PRELID2: variants seen among roughly 807,000 people sequenced by gnomAD.
The protein encoded by PRELID2 is PRELI domain containing 2.
In PRELID2, 25 loss-of-function variants were observed where a neutral mutation model predicts 28.4. The ratio of observed to expected loss-of-function variants is 0.88; its 90% CI spans 0.64 to 1.23. PRELID2 has a LOEUF of 1.23. Among genes scored for constraint, PRELID2 ranks in the 50% most tolerant of loss-of-function variants. The probability of loss-of-function intolerance (pLI) is 0.00; values close to 1 mark genes in which losing one functional copy is unlikely to be tolerated. For synonymous variants in PRELID2, 76 were observed against 71.6 expected (o/e 1.06, Z -0.31); for missense variants, 201 against 214.4 (o/e 0.94, Z 0.39).
At chr5:145,606,895 C>T (rs1442281633) in intron 1 of PRELID2, among the ~76,000 whole-genome samples, 1 of 151,922 alleles carries the variant, frequency 6.6e-6, no homozygotes, top group Non-Finnish European at 1.5e-5. Context: ...GGTTGGTAGA[C>T]TTTTTATTAC....
At chr5:145,819,567 TTTTCTC>T in intron 3 of PRELID2, 1 of 584,730 alleles carries the variant, frequency 1.7e-6, no homozygotes, top group African/African-American at 1.9e-5. Context: ...AAACTGAAGT[TTTTCTC>T]TTTCTTATTA....
At chr5:145,778,642 G>C (rs1328961173) in intron 5 of PRELID2, among the ~76,000 whole-genome samples, 1 of 152,202 alleles carries the variant, frequency 6.6e-6, no homozygotes, top group East Asian at 1.9e-4. Context: ...CCAGCACCTA[G>C]AGCTGCCTGT....
chr5:145,835,159 G>A lies in PRELID2; in HGVS notation c.75+18C>T. ...GCGGAGGCAGCGCGGGATACGGAAG[G>A]TGGAAGCGGGGCGGTACCTTTCGGA... On this transcript the variant is annotated intron_variant, in intron 1 of 6. Transcript: ENST00000683046. 6.5e-7 allele frequency: 1 copy of A among 1,534,628 alleles called. No homozygotes were observed. Among genetic ancestry groups the A allele is most frequent in the Non-Finnish European group, 8.8e-7 (1 of 1,133,186 alleles).
At chr5:145,498,662 G>A (rs1046076565) in intron 1 of PRELID2, among the ~76,000 whole-genome samples, 1 of 152,098 alleles carries the variant, frequency 6.6e-6, no homozygotes, top group African/African-American at 2.4e-5. Flanking sequence ...CTGAGTAGCT[G>A]GGACTAGAGG....
chr5:145,522,099 TA>T (rs1266214310), intron 1 of PRELID2, among the ~76,000 whole-genome samples: 1 of 152,202 alleles, frequency 6.6e-6, no homozygotes, highest in East Asian at 1.9e-4. Flanking sequence ...ATAAAACTAT[TA>T]AAATGTTGTC....
intron 1 of PRELID2, among the ~76,000 whole-genome samples, chr5:145,598,378 A>G (rs952359396): frequency 6.6e-6 from 1 of 152,168 alleles, no homozygotes; most frequent in Non-Finnish European, 1.5e-5. Context: ...GCATGACAAG[A>G]TGGATTGTTC....
chr5:145,603,163 C>A (rs1408193810), intron 1 of PRELID2, among the ~76,000 whole-genome samples: 1 of 149,584 alleles, frequency 6.7e-6, no homozygotes, highest in Non-Finnish European at 1.5e-5. Context: ...AGAACAGATA[C>A]TACTATTGAA....
At chr5:145,358,397 G>A in the PRELID2 span, among the ~76,000 whole-genome samples, 1 of 151,948 alleles carries the variant, frequency 6.6e-6, no homozygotes, top group Non-Finnish European at 1.5e-5. Context: ...CCACCTTGCT[G>A]CCAGCAGTGG....
chr5:145,800,507 T>C (rs1225348681), intron 4 of PRELID2, among the ~76,000 whole-genome samples: 2 of 152,176 alleles, frequency 1.3e-5, no homozygotes, highest in African/African-American at 4.8e-5. Context: ...GATTTTAATA[T>C]TGAGAAATGA....
At chr5:145,533,450 G>C (rs1472589747) in intron 1 of PRELID2, among the ~76,000 whole-genome samples, 1 of 152,042 alleles carries the variant, frequency 6.6e-6, no homozygotes, top group East Asian at 1.9e-4. Context: ...CTAGTATTCT[G>C]AATACTAAAA....
chr5:145,775,693 G>A (rs890180964), intron 5 of PRELID2, among the ~76,000 whole-genome samples: 4 of 152,186 alleles, frequency 2.6e-5, no homozygotes, highest in African/African-American at 9.7e-5. Flanking sequence ...TTTCAGTACT[G>A]AACAAAGTCA....
At chr5:145,576,919 A>G (rs983141762) in intron 1 of PRELID2, among the ~76,000 whole-genome samples, 9 of 152,132 alleles carry the variant, frequency 5.9e-5, no homozygotes, top group African/African-American at 2.2e-4. Context: ...TATTACATGT[A>G]CCCCTAAAAC....
the PRELID2 span, among the ~76,000 whole-genome samples, chr5:145,255,510 A>T: frequency 6.6e-6 from 1 of 152,128 alleles, no homozygotes; most frequent in Non-Finnish European, 1.5e-5. Context: ...GCAGTGGCTC[A>T]CATCTGTAAT....
the PRELID2 span, among the ~76,000 whole-genome samples, chr5:145,259,172 G>A: frequency 6.6e-6 from 1 of 152,224 alleles, no homozygotes; most frequent in Admixed American, 6.5e-5. Flanking sequence ...GGGTGCCCAG[G>A]CAGAAGCCTG....
intron 1 of PRELID2, among the ~76,000 whole-genome samples, chr5:145,739,281 G>A (rs192897523): frequency 2.0e-5 from 3 of 152,284 alleles, no homozygotes; most frequent in South Asian, 2.1e-4. Context: ...TGAGGCAAGT[G>A]AATCATGAGC....
intron 1 of PRELID2, among the ~76,000 whole-genome samples, chr5:145,623,562 C>G (rs189435753): frequency 2.1e-4 from 32 of 151,920 alleles, no homozygotes; most frequent in Non-Finnish European, 2.8e-4. Context: ...TATATAAAGC[C>G]AAAAAACTGA....
chr5:145,355,344 G>A, the PRELID2 span, among the ~76,000 whole-genome samples: 1 of 151,926 alleles, frequency 6.6e-6, no homozygotes, highest in Admixed American at 6.6e-5. Context: ...AAATATTAAA[G>A]GTTAAATAAT....
intron 1 of PRELID2, among the ~76,000 whole-genome samples, chr5:145,664,243 G>T (rs1236228459): frequency 6.6e-6 from 1 of 152,080 alleles, no homozygotes; most frequent in Non-Finnish European, 1.5e-5. Flanking sequence ...ACAGGCTTTT[G>T]AAATTTGAAA....
chr5:145,761,896 TAC>T (rs1310021281), intron 6 of PRELID2, among the ~76,000 whole-genome samples: 3 of 151,804 alleles, frequency 2.0e-5, no homozygotes, highest in Non-Finnish European at 4.4e-5. Flanking sequence ...CCATTTTCCA[TAC>T]AGTTAATTCT....
Sources: allele counts gnomAD v4.1 joint callset (sites outside exome capture counted in the v4.1 genomes callset), GRCh38; gene constraint gnomAD v4.1.1; transcripts MANE v1.5; gene names NCBI Gene and HGNC (gene_info 2026-07-23, HGNC 2026-07-21).